The following SP4 variants were observed in gnomAD, a reference collection of about 807,000 sequenced individuals.
SP4 encodes the protein Sp4 transcription factor.
SP4 carries 19 observed loss-of-function variants against 72.8 expected under a neutral mutation model. The ratio of observed to expected loss-of-function variants is 0.26; its 90% CI spans 0.18 to 0.38. The LOEUF (loss-of-function observed/expected upper bound fraction) is 0.38. Among genes scored for constraint, SP4 ranks in the 10% least tolerant of loss-of-function variants. SP4 has a pLI of 1.00. For synonymous variants in SP4, 395 were observed against 333.1 expected (o/e 1.19, Z -2.02); for missense variants, 1,008 against 926.3 (o/e 1.09, Z -1.14).
At position 21,488,418 on chromosome 7, in the gene SP4, A is replaced by G. The variant is rs190075582; in HGVS notation, c.2107+6295A>G. Among the ~76,000 whole-genome samples the G allele has an allele frequency of 1.1e-3, 170 of 148,578 alleles. 1 individual carries two copies. The highest frequency in any genetic ancestry group is 4.0e-3 in the African/African-American group (163 of 40,344). ...CTAGAACATATTCTCTTCCTTGACA[A>G]TTTATTTTCTAGTTTGCAGACATTT... On this transcript the variant is annotated intron_variant, in intron 5 of 5. Coordinates refer to ENST00000222584, the MANE Select transcript of SP4 (RefSeq NM_003112.5).
At chr7:21,468,167 T>C (rs1784225933) in intron 3 of SP4, among the ~76,000 whole-genome samples, 1 of 152,148 alleles carries the variant, frequency 6.6e-6, no homozygotes, top group South Asian at 2.1e-4. Context: ...TGTTCATTTC[T>C]GTCCCTATTC....
intron 5 of SP4, among the ~76,000 whole-genome samples, chr7:21,506,382 G>T (rs79947480): frequency 0.014 from 2,068 of 152,228 alleles, 49 homozygotes; most frequent in East Asian, 0.079. Context: ...GTCATGAGGG[G>T]TATCACCTTT....
At chr7:21,430,892 A>T in intron 3 of SP4, 49 bp downstream of exon 3, 3 of 1,367,030 alleles carry the variant, frequency 2.2e-6, no homozygotes, top group Middle Eastern at 1.8e-4. Flanking sequence ...TTTTCATAAC[A>T]ATTATTGCTT....
In SP4 at chr7:21,432,890, A is replaced by T. The variant is rs566595348; in HGVS notation, c.1678+2047A>T. 2.6e-5 allele frequency among the ~76,000 whole-genome samples: 4 copies of T among 152,290 alleles called. No homozygotes were observed. The East Asian group carries it at 7.7e-4, about 29-fold the overall frequency. ...ACACCTGTGGTCTCAGCGTCTTGGG[A>T]GGCTGAAGTAGGAGGATCGCTTGTA... On this transcript the variant is annotated intron_variant, in intron 3 of 5. Coordinates refer to ENST00000222584, the MANE Select transcript of SP4 (RefSeq NM_003112.5).
intron 5 of SP4, among the ~76,000 whole-genome samples, chr7:21,507,576 C>T (rs763190551): frequency 6.6e-5 from 10 of 152,144 alleles, no homozygotes; most frequent in African/African-American, 2.2e-4. Context: ...ATTCCTTGAT[C>T]CAGCAGAGAG....
At chr7:21,453,959 C>G (rs955505889) in intron 3 of SP4, among the ~76,000 whole-genome samples, 4 of 152,230 alleles carry the variant, frequency 2.6e-5, no homozygotes, top group Admixed American at 1.3e-4. Flanking sequence ...CCAAAAAAAT[C>G]TATATTCCCA....
At chr7:21,465,608 A>T (rs1324290629) in intron 3 of SP4, among the ~76,000 whole-genome samples, 1 of 152,204 alleles carries the variant, frequency 6.6e-6, no homozygotes, top group African/African-American at 2.4e-5. Context: ...GATGGGAAGG[A>T]TGGGCATAAT....
intron 5 of SP4, among the ~76,000 whole-genome samples, chr7:21,486,714 G>A (rs1302395905): frequency 6.6e-6 from 1 of 152,130 alleles, no homozygotes; most frequent in African/African-American, 2.4e-5. Context: ...GGTTAATGTA[G>A]GGTGTGCCAC....
chr7:21,487,398 G>T (rs1168247243), intron 5 of SP4, among the ~76,000 whole-genome samples: 1 of 140,570 alleles, frequency 7.1e-6, no homozygotes, highest in Non-Finnish European at 1.5e-5. Flanking sequence ...GACATATTTT[G>T]GAATCTCTAG....
At chr7:21,502,051 C>CCG (rs79084748) in intron 5 of SP4, among the ~76,000 whole-genome samples, 3 of 81,864 alleles carry the variant, frequency 3.7e-5, no homozygotes. Context: ...CCCCCCCCCC[C>CCG]CCGGAACTCC....
intron 5 of SP4, among the ~76,000 whole-genome samples, chr7:21,483,123 G>C (rs186634995): frequency 4.6e-5 from 7 of 152,138 alleles, no homozygotes; most frequent in African/African-American, 7.2e-5. Flanking sequence ...GTCAGGCCTT[G>C]AAAGTTTTTT....
At chr7:21,474,271 CTG>C (rs1784429445) in intron 3 of SP4, among the ~76,000 whole-genome samples, 2 of 152,010 alleles carry the variant, frequency 1.3e-5, no homozygotes, top group South Asian at 4.1e-4. Context: ...AAAGTAATGA[CTG>C]TTATATAAAT....
intron 3 of SP4, among the ~76,000 whole-genome samples, chr7:21,475,130 T>C (rs1784461554): frequency 6.6e-6 from 1 of 152,080 alleles, no homozygotes; most frequent in Non-Finnish European, 1.5e-5. Context: ...GTTTTTTTTT[T>C]TGAGACAGAG....
chr7:21,492,619 A>G (rs1785009377), intron 5 of SP4, among the ~76,000 whole-genome samples: 1 of 152,254 alleles, frequency 6.6e-6, no homozygotes, highest in South Asian at 2.1e-4. Flanking sequence ...AGAAGCATGA[A>G]AAACAGACAA....
intron 5 of SP4, among the ~76,000 whole-genome samples, chr7:21,494,456 A>G (rs1785056066): frequency 6.6e-6 from 1 of 152,216 alleles, no homozygotes; most frequent in Non-Finnish European, 1.5e-5. Context: ...TAAATGTACA[A>G]CAGTGAATTG....
At chr7:21,488,871 T>TAC (rs1784896767) in intron 5 of SP4, among the ~76,000 whole-genome samples, 1 of 152,236 alleles carries the variant, frequency 6.6e-6, no homozygotes, top group South Asian at 2.1e-4. Context: ...ATGTTACATG[T>TAC]GTTAATATAG....
At chr7:21,431,154 A>C (rs1415735165) in intron 3 of SP4, among the ~76,000 whole-genome samples, 1 of 152,212 alleles carries the variant, frequency 6.6e-6, no homozygotes, top group African/African-American at 2.4e-5. Flanking sequence ...AGTACATTCC[A>C]GCTCTTCAGA....
intron 3 of SP4, among the ~76,000 whole-genome samples, chr7:21,473,899 G>A (rs528829528): frequency 8.5e-5 from 13 of 152,284 alleles, no homozygotes; most frequent in African/African-American, 2.9e-4. Flanking sequence ...GGGCCTCGGA[G>A]GTCTTGCTCT....
chr7:21,457,329 A>T (rs1390127908), intron 3 of SP4, among the ~76,000 whole-genome samples: 1 of 152,154 alleles, frequency 6.6e-6, no homozygotes, highest in Non-Finnish European at 1.5e-5. Flanking sequence ...GAAAACATAC[A>T]TAGTTATTTA....
Sources: allele counts gnomAD v4.1 joint callset (sites outside exome capture counted in the v4.1 genomes callset), GRCh38; gene constraint gnomAD v4.1.1; transcripts MANE v1.5; gene names NCBI Gene and HGNC (gene_info 2026-07-23, HGNC 2026-07-21).